ADHFE1: variants seen among roughly 807,000 people sequenced by gnomAD.
ADHFE1 encodes the protein hydroxyacid-oxoacid transhydrogenase, mitochondrial.
A neutral mutation model predicts 54.8 loss-of-function variants in ADHFE1; 37 were observed. The observed-to-expected ratio is 0.68, with a 90% CI of 0.52 to 0.89. ADHFE1 has a LOEUF of 0.89. ADHFE1 is among the 40% of genes least tolerant of loss of function. The probability of loss-of-function intolerance (pLI) is 0.00; values close to 1 mark genes in which losing one functional copy is unlikely to be tolerated. For synonymous variants in ADHFE1, 203 were observed against 229.3 expected (o/e 0.89, Z 1.04); for missense variants, 601 against 591.2 (o/e 1.02, Z -0.17).
rs774791881 is a variant in ADHFE1 at position 66,452,151 on chromosome 8, T to C, written c.887+46T>C. On this transcript the variant is annotated intron_variant, in intron 9 of 13. Coordinates refer to ENST00000396623, the MANE Select transcript of ADHFE1 (RefSeq NM_144650.3). Reference sequence around the variant, plus strand: ...TAGAAATAGAACAGGAGGCCCACATTCTGCCAGCACGTGAAACATGACATG... The same window carrying C: ...TAGAAATAGAACAGGAGGCCCACATCCTGCCAGCACGTGAAACATGACATG... The C allele has an allele frequency of 3.1e-6, 5 of 1,601,460 alleles. No homozygotes were observed. The East Asian group carries it at 1.1e-4, about 36-fold the overall frequency.
Position 66,468,310 on chromosome 8 carries a change from G to A in ADHFE1, c.1362G>A (p.Glu454=), listed in dbSNP as rs755107681. ...TKLAPCPQSE[E]DLAALFEASM... ...TTGCACCCTGTCCCCAGTCAGAAGA[G>A]GATCTGGCTGCTCTGTTTGAAGCTT... Residue 454 remains glutamate, a synonymous_variant, in exon 14 of 14, where the codon GAG becomes GAA. Coordinates refer to ENST00000396623, the MANE Select transcript of ADHFE1 (RefSeq NM_144650.3). 1 of 1,613,470 alleles carries A rather than the reference G, an allele frequency of 6.2e-7. No individual in the cohort carries two copies. Among genetic ancestry groups the A allele is most frequent in the East Asian group, 2.2e-5 (1 of 44,842 alleles).
In ADHFE1 at chr8:66,439,679, T is replaced by C; in HGVS notation, c.60-483T>C. On this transcript the variant is annotated intron_variant, in intron 1 of 13. Transcript: ENST00000396623. This position sits in a 1 kb window ranked among gnomAD's most constrained non-coding sequence, Gnocchi z 4.4. ...CAGGAAGTTCTCCTGGAGGCTCAGG[T>C]CTAGAGCCTGCCTGAAGAAAAATTA... 1.0e-6 allele frequency: 1 copy of C among 987,562 alleles called. No homozygotes were observed. Among genetic ancestry groups the C allele is most frequent in the Non-Finnish European group, 1.2e-6 (1 of 831,438 alleles). 61.2% of individuals were successfully genotyped at this position (987,562 alleles called of 1,614,324 possible).
intron 12 of ADHFE1, among the ~76,000 whole-genome samples, chr8:66,458,418 G>C (rs1481625765): frequency 6.6e-6 from 1 of 152,190 alleles, no homozygotes; most frequent in African/African-American, 2.4e-5. Flanking sequence ...GGTGCTGAGG[G>C]GAAACAGTGC....
intron 1 of ADHFE1, among the ~76,000 whole-genome samples, chr8:66,436,021 T>C (rs867137441): frequency 1.3e-5 from 2 of 151,508 alleles, no homozygotes; most frequent in Non-Finnish European, 2.9e-5. Flanking sequence ...GTTCGAGCGA[T>C]TCTTCTGCCT....
rs564703818 is a variant in ADHFE1, at chr8:66,459,648, C to T, written c.1163-660C>T. 2.6e-5 allele frequency: 4 copies of T among 152,066 alleles called. No individual in the cohort carries two copies. The South Asian group carries it at 8.3e-4, about 32-fold the overall frequency. 9.4% of individuals were successfully genotyped at this position (152,066 alleles called of 1,614,324 possible). ...TTATCTGCATATGAAACGCTGTTTTCTGAGAGCCTTCATGTTCTTTGGTCC... is the reference window on the plus strand; with the variant it reads ...TTATCTGCATATGAAACGCTGTTTTTTGAGAGCCTTCATGTTCTTTGGTCC... On this transcript the variant is annotated intron_variant, in intron 12 of 13. Transcript: ENST00000396623.
Position 66,439,878 on chromosome 8 carries a change from G to A in ADHFE1, c.60-284G>A. On this transcript the variant is annotated intron_variant, in intron 1 of 13. Coordinates refer to ENST00000396623, the MANE Select transcript of ADHFE1 (RefSeq NM_144650.3). The surrounding 1 kb of genome is among the most constrained non-coding windows in gnomAD (Gnocchi z 4.4). ...CATCTTAAACTTGCATGTACCCCCA[G>A]AGCGTTTATCTCAGCTGCCCGCAGG... 1.2e-6 allele frequency: 1 copy of A among 835,522 alleles called. No homozygotes were observed. The highest frequency in any genetic ancestry group is 1.6e-6 in the Non-Finnish European group (1 of 616,704). 51.8% of individuals were successfully genotyped at this position (835,522 alleles called of 1,614,324 possible).
intron 10 of ADHFE1, among the ~76,000 whole-genome samples, chr8:66,455,997 A>G (rs749110755): frequency 1.3e-5 from 2 of 152,164 alleles, no homozygotes; most frequent in East Asian, 1.9e-4. Context: ...TTGTTCATCA[A>G]TAGTTCAAGA....
At chr8:66,460,706 A>G (rs762969809) in intron 13 of ADHFE1, among the ~76,000 whole-genome samples, 4 of 152,124 alleles carry the variant, frequency 2.6e-5, no homozygotes, top group Non-Finnish European at 5.9e-5. Context: ...TCATGAAGGG[A>G]TGGATCCTTT....
rs763595276 is a variant in ADHFE1 at position 66,452,092 on chromosome 8, A to G, written c.874A>G (p.Lys292Glu). The change falls in exon 9 of 14, where the codon AAG (lysine) becomes GAG (glutamate). Residue 292 changes from lysine (K) to glutamate (E), a missense_variant. Coordinates refer to ENST00000396623, the MANE Select transcript of ADHFE1 (RefSeq NM_144650.3). Reference sequence around the variant, plus strand: ...TATCCACGCGCTGCGGATCGTGGCTAAGTATCTGAAGAGGTATGTCACCCC... The same window carrying G: ...TATCCACGCGCTGCGGATCGTGGCTGAGTATCTGAAGAGGTATGTCACCCC... ...WAIHALRIVA[K>E]YLKRAVRNPD... is the part of the protein sequence containing the mutation. The G allele has an allele frequency of 9.3e-6, 15 of 1,614,150 alleles. No homozygotes were observed. In the East Asian group the frequency reaches 3.3e-4, roughly 36 times the overall value.
chr8:66,439,866 C>A lies in ADHFE1; in HGVS notation c.60-296C>A. The A allele has an allele frequency of 1.2e-6, 1 of 853,686 alleles. No individual in the cohort carries two copies. Among genetic ancestry groups the A allele is most frequent in the Non-Finnish European group, 1.6e-6 (1 of 644,644 alleles). The allele number at this position is 853,686 out of a possible 1,614,324, so 52.9% of individuals were successfully genotyped here. ...ACCAGAGACCCCCATCTTAAACTTG[C>A]ATGTACCCCCAGAGCGTTTATCTCA... On this transcript the variant is annotated intron_variant, in intron 1 of 13. Coordinates refer to ENST00000396623, the MANE Select transcript of ADHFE1 (RefSeq NM_144650.3). The surrounding 1 kb of genome is among the most constrained non-coding windows in gnomAD (Gnocchi z 4.4).
At chr8:66,442,936 ATC>A in intron 3 of ADHFE1, 92 bp downstream of exon 3, 1 of 1,086,466 alleles carries the variant, frequency 9.2e-7, no homozygotes, top group South Asian at 1.6e-5. Context: ...TTTATTTTAA[ATC>A]TGTTATTAAT....
At chr8:66,452,233 C>A in intron 9 of ADHFE1, 128 bp downstream of exon 9, 2 of 1,271,954 alleles carry the variant, frequency 1.6e-6, no homozygotes, top group Non-Finnish European at 2.1e-6. Flanking sequence ...AGTGGATGCG[C>A]AGAAGCCCCA....
At chr8:66,455,228 G>A (rs556472317) in intron 10 of ADHFE1, among the ~76,000 whole-genome samples, 26 of 152,268 alleles carry the variant, frequency 1.7e-4, no homozygotes, top group Middle Eastern at 3.4e-3. Context: ...CGGCATCTGC[G>A]CTGTTTTACA....
At chr8:66,465,845 G>A (rs549684141) in intron 13 of ADHFE1, among the ~76,000 whole-genome samples, 6 of 152,010 alleles carry the variant, frequency 3.9e-5, no homozygotes, top group East Asian at 3.9e-4. Flanking sequence ...TGATCCACCC[G>A]CCTCGGCCTC....
intron 13 of ADHFE1, among the ~76,000 whole-genome samples, chr8:66,461,136 G>A (rs1206928070): frequency 2.0e-5 from 3 of 152,192 alleles, no homozygotes; most frequent in Non-Finnish European, 4.4e-5. Flanking sequence ...TAGCACATCA[G>A]ATCCTAATAG....
intron 13 of ADHFE1, among the ~76,000 whole-genome samples, chr8:66,465,503 A>G (rs1442604931): frequency 6.6e-6 from 1 of 152,166 alleles, no homozygotes; most frequent in East Asian, 1.9e-4. Context: ...CTTATTGGCT[A>G]TGTATATATA....
intron 1 of ADHFE1, among the ~76,000 whole-genome samples, chr8:66,435,340 G>C (rs1805406314): frequency 6.6e-6 from 1 of 152,092 alleles, no homozygotes; most frequent in African/African-American, 2.4e-5. Context: ...CAAGGTGTGA[G>C]CAGGGCCACA....
Position 66,439,303 on chromosome 8 carries a change from A to G in ADHFE1, c.60-859A>G, listed in dbSNP as rs1257650254. The G allele has an allele frequency of 2.0e-6, 2 of 985,514 alleles. No homozygotes were observed. Among genetic ancestry groups the G allele is most frequent in the Non-Finnish European group, 2.4e-6 (2 of 830,004 alleles). 61.0% of individuals were successfully genotyped at this position (985,514 alleles called of 1,614,324 possible). On this transcript the variant is annotated intron_variant, in intron 1 of 13. Transcript: ENST00000396623. The surrounding 1 kb of genome is among the most constrained non-coding windows in gnomAD (Gnocchi z 4.4). ...ATCTACCGAGACCCAACCACTGGAC[A>G]AGGTCTTCTGGGCAACCCAACGAAA...
intron 2 of ADHFE1, 60 bp from the exon 3 acceptor site, chr8:66,442,738 C>CA (rs1454278330): frequency 1.4e-6 from 2 of 1,428,780 alleles, no homozygotes; most frequent in African/African-American, 2.9e-5. Flanking sequence ...ATTTTACTAT[C>CA]AAATAACATT....
Sources: gnomAD v4.1 joint callset for allele counts (sites outside exome capture counted in the v4.1 genomes callset) on GRCh38, gnomAD v4.1.1 for gene constraint, Gnocchi (gnomAD v3.1) non-coding constraint, MANE v1.5 for transcripts, NCBI Gene and HGNC (gene_info 2026-07-23, HGNC 2026-07-21) for gene names.